RASD2: variants seen among roughly 807,000 people sequenced by gnomAD.
The protein encoded by RASD2 is GTP-binding protein Rhes.
RASD2 carries 7 observed loss-of-function variants against 15.8 expected under a neutral mutation model. The observed-to-expected ratio is 0.44, with a 90% CI of 0.25 to 0.83. The LOEUF (loss-of-function observed/expected upper bound fraction) is 0.83. Ranked by LOEUF, RASD2 falls within the 40% of genes least tolerant of loss-of-function variation. The pLI is 0.20. For missense variants in RASD2, 274 were observed against 382.8 expected, an observed-to-expected ratio of 0.72 and a Z score of 2.37; for synonymous variants, 155 against 153.6, an observed-to-expected ratio of 1.01 and a Z score of -0.07.
At chr22:35,540,221 A>G (rs574184768), upstream of RASD2, among the ~76,000 whole-genome samples, 152 of 152,058 alleles carry the variant, frequency 1.0e-3, 4 homozygotes, top group Admixed American at 9.0e-3. Context: ...AGGCGGCCGG[A>G]CCCCATGCGG....
Position 35,551,938 on chromosome 22 carries a change from G to A in RASD2, c.707G>A (p.Arg236His), listed in dbSNP as rs769429222. The A allele has an allele frequency of 4.4e-6, 7 of 1,607,344 alleles. No individual in the cohort carries two copies. The highest frequency in any genetic ancestry group is 5.1e-6 in the Non-Finnish European group (6 of 1,179,990). The change falls in exon 3 of 3, where the codon CGC becomes CAC. Residue 236 changes from arginine to histidine, a missense_variant. Transcript: ENST00000216127. The surrounding 1 kb of genome is among the most constrained non-coding windows in gnomAD (Gnocchi z 4.9). ...TATGGCATGGTCTCGCCCTTCGCCC[G>A]CCGCCCCAGCGTCAACAGTGACCTC... ...DAYGMVSPFARRPSVNSDLKY... is the reference protein window; with the variant it reads ...DAYGMVSPFAHRPSVNSDLKY...
intron 1 of RASD2, among the ~76,000 whole-genome samples, chr22:35,545,203 G>T (rs111307637): frequency 2.6e-5 from 4 of 152,304 alleles, no homozygotes; most frequent in African/African-American, 9.6e-5. Flanking sequence ...GTTGGGCAGG[G>T]TGAGCAGATC....
upstream of RASD2, among the ~76,000 whole-genome samples, chr22:35,536,079 G>A (rs140003854): frequency 5.9e-4 from 90 of 152,338 alleles, no homozygotes; most frequent in African/African-American, 1.9e-3. Flanking sequence ...GCCAGATGAG[G>A]TGCCAGCCTG....
At chr22:35,544,609 A>G (rs896008444) in intron 1 of RASD2, among the ~76,000 whole-genome samples, 1 of 152,222 alleles carries the variant, frequency 6.6e-6, no homozygotes, top group African/African-American at 2.4e-5. Context: ...ATAAATTCAA[A>G]GACAGCTTTA....
In RASD2 at chr22:35,551,578, T is replaced by C; in HGVS notation, c.347T>C (p.Ile116Thr). The change falls in exon 3 of 3, where the codon ATC becomes ACC. Residue 116 changes from isoleucine (I) to threonine (T), a missense_variant. By Grantham distance (89) the Ile-to-Thr change is moderately conservative (BLOSUM62 -1). Transcript: ENST00000216127. The surrounding 1 kb of genome is among the most constrained non-coding windows in gnomAD (Gnocchi z 4.9). ...GAGGTCAAGCGCCTTCAGAAGCAGATCCTGGAGGTCAAGTCCTGCCTGAAG... is the reference window on the plus strand; with the variant it reads ...GAGGTCAAGCGCCTTCAGAAGCAGACCCTGGAGGTCAAGTCCTGCCTGAAG... ...FDEVKRLQKQ[I>T]LEVKSCLKNK... is the part of the protein sequence containing the mutation. The C allele has an allele frequency of 6.2e-7, 1 of 1,614,032 alleles. No individual in the cohort carries two copies. Among genetic ancestry groups the C allele is most frequent in the Non-Finnish European group, 8.5e-7 (1 of 1,179,976 alleles).
the RASD2 span, among the ~76,000 whole-genome samples, chr22:35,533,547 A>G: frequency 3.4e-5 from 4 of 118,598 alleles, no homozygotes; most frequent in South Asian, 2.9e-4. Flanking sequence ...GATGGTGGTG[A>G]TGGTGATGAT....
intron 2 of RASD2, among the ~76,000 whole-genome samples, chr22:35,549,839 C>T (rs559393979): frequency 4.6e-5 from 7 of 152,282 alleles, no homozygotes; most frequent in Admixed American, 1.3e-4. Context: ...AGGTGGCAGC[C>T]ATTCTGCCAG....
upstream of RASD2, among the ~76,000 whole-genome samples, chr22:35,536,476 C>T (rs1035391845): frequency 1.3e-5 from 2 of 152,158 alleles, no homozygotes; most frequent in Non-Finnish European, 2.9e-5. Flanking sequence ...CAGGCGCCTG[C>T]CATTATGCCC....
chr22:35,536,453 G>A (rs1482624273), upstream of RASD2, among the ~76,000 whole-genome samples: 1 of 152,026 alleles, frequency 6.6e-6, no homozygotes, highest in African/African-American at 2.4e-5. Flanking sequence ...AGCCTCCCGA[G>A]TAGCTGGGAC....
chr22:35,542,879 G>T (rs1162405146), intron 1 of RASD2, among the ~76,000 whole-genome samples: 1 of 152,182 alleles, frequency 6.6e-6, no homozygotes, highest in African/African-American at 2.4e-5. Context: ...GGAGGTGCCT[G>T]CCCCCTTTCC....
rs1033663510 is a variant in RASD2 at position 35,551,384 on chromosome 22, C to T, written c.272-119C>T. 26 of 968,048 alleles carry T rather than the reference C, an allele frequency of 2.7e-5. No individual in the cohort carries two copies. In the Admixed American group the frequency reaches 2.9e-4, roughly 11 times the overall value. The allele number at this position is 968,048 out of a possible 1,614,324, so 60.0% of individuals were successfully genotyped here. ...GCTGTGTAGGTTAAAGCAGTTATGC[C>T]GCATAACTGCTTCAGGGCACCTGTG... On this transcript the variant is annotated intron_variant, in intron 2 of 2. Transcript: ENST00000216127. The surrounding 1 kb of genome is among the most constrained non-coding windows in gnomAD (Gnocchi z 4.9).
intron 1 of RASD2, among the ~76,000 whole-genome samples, chr22:35,545,784 C>T (rs751322350): frequency 3.9e-4 from 59 of 151,408 alleles, no homozygotes; most frequent in African/African-American, 1.2e-3. Flanking sequence ...CTCAAACTGA[C>T]GAGGGTGACT....
upstream of RASD2, among the ~76,000 whole-genome samples, chr22:35,537,553 A>G (rs745411003): frequency 2.6e-5 from 4 of 152,202 alleles, no homozygotes; most frequent in Non-Finnish European, 5.9e-5. Flanking sequence ...CGAGGCAGCT[A>G]CTATTGTAAC....
At chr22:35,536,060 G>T (rs1457206382), upstream of RASD2, among the ~76,000 whole-genome samples, 2 of 152,168 alleles carry the variant, frequency 1.3e-5, no homozygotes, top group Admixed American at 1.3e-4. Flanking sequence ...GTTTGGTGAG[G>T]CCTTGAATGC....
At chr22:35,539,312 C>A (rs535706084), upstream of RASD2, among the ~76,000 whole-genome samples, 7 of 152,308 alleles carry the variant, frequency 4.6e-5, no homozygotes, top group African/African-American at 1.7e-4. Context: ...GAACGCCAGT[C>A]TCTCAGCCAA....
At chr22:35,537,949 CTT>C (rs34411242), upstream of RASD2, among the ~76,000 whole-genome samples, 194 of 140,566 alleles carry the variant, frequency 1.4e-3, no homozygotes, top group African/African-American at 2.3e-3. Context: ...GACTTTATAT[CTT>C]TTTTTTTTTT....
intron 2 of RASD2, among the ~76,000 whole-genome samples, chr22:35,550,890 T>C (rs1197590822): frequency 6.6e-6 from 1 of 152,214 alleles, no homozygotes; most frequent in Non-Finnish European, 1.5e-5. Flanking sequence ...ATACACCCAG[T>C]GCTTAGCCCC....
At chr22:35,550,374 G>A (rs1934629197) in intron 2 of RASD2, among the ~76,000 whole-genome samples, 1 of 142,080 alleles carries the variant, frequency 7.0e-6, no homozygotes, top group Non-Finnish European at 1.5e-5. Flanking sequence ...CCAGGAGGTG[G>A]AAGTTGCAGT....
At chr22:35,550,232 C>T (rs1934624240) in intron 2 of RASD2, among the ~76,000 whole-genome samples, 1 of 151,782 alleles carries the variant, frequency 6.6e-6, no homozygotes, top group South Asian at 2.1e-4. Context: ...CATTGCATTC[C>T]AGGCTGGGCA....
Sources: gnomAD v4.1 joint callset for allele counts (sites outside exome capture counted in the v4.1 genomes callset) on GRCh38, gnomAD v4.1.1 for gene constraint, Gnocchi (gnomAD v3.1) non-coding constraint, MANE v1.5 for transcripts, NCBI Gene and HGNC (gene_info 2026-07-23, HGNC 2026-07-21) for gene names.